The following NHSL3 variants were observed in gnomAD, a reference collection of about 807,000 sequenced individuals.
NHSL3 encodes the protein NHS-like protein 3.
chr1:32,759,314 TCTC>T, the NHSL3 span, among the ~76,000 whole-genome samples: 2 of 152,182 alleles, frequency 1.3e-5, no homozygotes, highest in African/African-American at 4.8e-5. Flanking sequence ...AGCTCTTTCT[TCTC>T]CTTACTCTGT....
the NHSL3 span, among the ~76,000 whole-genome samples, chr1:32,745,348 G>T: frequency 6.6e-6 from 1 of 150,882 alleles, no homozygotes; most frequent in Non-Finnish European, 1.5e-5. Context: ...TCATGAGGTC[G>T]CGAGTTTAAG....
the NHSL3 span, chr1:32,769,904 C>T: frequency 1.2e-6 from 2 of 1,608,682 alleles, no homozygotes; most frequent in Non-Finnish European, 1.7e-6. Flanking sequence ...CGTGAGGCAC[C>T]AGGCACGCCC....
At chr1:32,771,487 C>T in the NHSL3 span, 1 of 1,574,862 alleles carries the variant, frequency 6.3e-7, no homozygotes, top group Non-Finnish European at 8.6e-7. Context: ...TCCCAACTGG[C>T]CCCCTCCCCC....
the NHSL3 span, among the ~76,000 whole-genome samples, chr1:32,759,089 G>A: frequency 6.6e-6 from 1 of 152,154 alleles, no homozygotes; most frequent in African/African-American, 2.4e-5. Context: ...AGTCAGAGTT[G>A]GGCTCACATC....
the NHSL3 span, among the ~76,000 whole-genome samples, chr1:32,751,167 T>C: frequency 1.3e-5 from 2 of 152,194 alleles, no homozygotes; most frequent in Admixed American, 6.5e-5. Context: ...TTGTGGTTCC[T>C]GGAGTTCTGG....
the NHSL3 span, among the ~76,000 whole-genome samples, chr1:32,760,145 C>T: frequency 6.6e-6 from 1 of 152,226 alleles, no homozygotes; most frequent in Non-Finnish European, 1.5e-5. Context: ...CATTCTGGCT[C>T]ATGGGCTGGC....
At chr1:32,753,515 T>C in the NHSL3 span, among the ~76,000 whole-genome samples, 2 of 152,008 alleles carry the variant, frequency 1.3e-5, no homozygotes, top group African/African-American at 4.8e-5. Context: ...AAAAAGGACC[T>C]ACCTTACACA....
At chr1:32,770,057 A>C in the NHSL3 span, 1 of 1,567,518 alleles carries the variant, frequency 6.4e-7, no homozygotes, top group Non-Finnish European at 8.6e-7. This position sits in a 1 kb window ranked among gnomAD's most constrained non-coding sequence, Gnocchi z 8.3. Flanking sequence ...GCCATGCTGC[A>C]GCGCCACATT....
chr1:32,766,077 G>C, the NHSL3 span, among the ~76,000 whole-genome samples: 6 of 152,226 alleles, frequency 3.9e-5, no homozygotes, highest in African/African-American at 1.4e-4. Flanking sequence ...CAGCCCTCCC[G>C]TGAGACTTGC....
the NHSL3 span, among the ~76,000 whole-genome samples, chr1:32,748,636 G>A: frequency 6.6e-6 from 1 of 152,184 alleles, no homozygotes; most frequent in African/African-American, 2.4e-5. Flanking sequence ...CCTAGAGCAA[G>A]GTGCTTAAGA....
At chr1:32,771,810 C>T in the NHSL3 span, 6 of 1,612,598 alleles carry the variant, frequency 3.7e-6, no homozygotes, top group Non-Finnish European at 5.1e-6. Flanking sequence ...TAGGTGCGCC[C>T]CTGGTCACGC....
At chr1:32,758,528 C>CT in the NHSL3 span, among the ~76,000 whole-genome samples, 1 of 151,976 alleles carries the variant, frequency 6.6e-6, no homozygotes, top group Admixed American at 6.6e-5. Flanking sequence ...TGTGGGGAGA[C>CT]TTGTGATCAA....
At chr1:32,768,755 C>T in the NHSL3 span, 25 of 1,613,710 alleles carry the variant, frequency 1.5e-5, no homozygotes, top group African/African-American at 5.3e-5. Flanking sequence ...TCCATCCGCT[C>T]GGAGATGATC....
At chr1:32,771,370 C>CCTTCCCCACCCCCAT in the NHSL3 span, 1 of 1,568,690 alleles carries the variant, frequency 6.4e-7, no homozygotes, top group Non-Finnish European at 8.7e-7. Flanking sequence ...GTCACCCCCA[C>CCTTCCCCACCCCCAT]CTTCCCCACC....
the NHSL3 span, chr1:32,772,967 G>A: frequency 1.4e-6 from 2 of 1,394,564 alleles, no homozygotes; most frequent in Non-Finnish European, 2.0e-6. Context: ...AGGACGAGAG[G>A]ATACAGCAGA....
chr1:32,768,989 G>C, the NHSL3 span: 1 of 513,696 alleles, frequency 1.9e-6, no homozygotes, highest in Non-Finnish European at 3.3e-6. Context: ...GGTGGCTCAC[G>C]CCTGTAATCC....
chr1:32,763,180 C>T, the NHSL3 span, among the ~76,000 whole-genome samples: 1 of 151,606 alleles, frequency 6.6e-6, no homozygotes, highest in Non-Finnish European at 1.5e-5. Flanking sequence ...GACAAGGTTT[C>T]ACCATGTTGG....
the NHSL3 span, chr1:32,774,556 A>G: frequency 1.3e-5 from 2 of 152,524 alleles, no homozygotes; most frequent in South Asian, 4.1e-4. Context: ...TCAAAGCTGC[A>G]TGAAACCAGG....
chr1:32,763,085 A>G, the NHSL3 span, among the ~76,000 whole-genome samples: 207 of 151,542 alleles, frequency 1.4e-3, 2 homozygotes, highest in East Asian at 9.7e-4. Flanking sequence ...GGTTTGAGCA[A>G]TTCTCTCACC....
Sources: gnomAD v4.1 joint callset for allele counts (sites outside exome capture counted in the v4.1 genomes callset) on GRCh38, gnomAD v4.1.1 for gene constraint, Gnocchi (gnomAD v3.1) non-coding constraint, MANE v1.5 for transcripts, NCBI Gene and HGNC (gene_info 2026-07-23, HGNC 2026-07-21) for gene names.